MYH14: variants seen among roughly 807,000 people sequenced by gnomAD.
The protein encoded by MYH14 is myosin-14.
A neutral mutation model predicts 255.5 loss-of-function variants in MYH14; 123 were observed. That is an observed-to-expected ratio of 0.48 (90% CI 0.42 to 0.56). MYH14 has a LOEUF of 0.56. MYH14 is among the 20% of genes least tolerant of loss of function. The pLI is 0.00. For synonymous variants in MYH14, 1,095 were observed against 1,161.2 expected, an observed-to-expected ratio of 0.94 and a Z score of 1.16; for missense variants, 2,423 against 2,802.3, an observed-to-expected ratio of 0.86 and a Z score of 3.06.
Position 50,208,443 on chromosome 19 carries a change from CAAACAAACAAACA to C in MYH14, c.-3-1916_-3-1904del, listed in dbSNP as rs1281689757. Reference sequence around the variant, plus strand: ...AAACAAAAACAAACAAACAAACAAACAAACAAACAAACAAAAAAACCCAACAAACCCACCAAAC... The same window carrying C: ...AAACAAAAACAAACAAACAAACAAACAAAAAACCCAACAAACCCACCAAAC... On this transcript the variant is annotated intron_variant, in intron 1 of 42. Transcript: ENST00000642316. 2.8e-4 allele frequency among the ~76,000 whole-genome samples: 41 copies of C among 148,628 alleles called. No homozygotes were observed. The South Asian group carries it at 8.3e-3, about 30-fold the overall frequency.
intron 23 of MYH14, among the ~76,000 whole-genome samples, chr19:50,267,623 A>AAAAAATAATAATAATAAT (rs138463829): frequency 1.7e-4 from 26 of 149,214 alleles, no homozygotes; most frequent in Non-Finnish European, 3.0e-4. Context: ...TCTGTCTCAA[A>AAAAAATAATAATAATAAT]AATAATAATA....
intron 1 of MYH14, chr19:50,205,625 GCT>G (rs909265511): frequency 1.3e-5 from 2 of 152,362 alleles, no homozygotes; most frequent in African/African-American, 4.8e-5. Context: ...TGGGTACGGG[GCT>G]CTCAGACTCC....
intron 9 of MYH14, 83 bp from the exon 10 acceptor site, chr19:50,231,847 C>T (rs1273321476): frequency 6.4e-6 from 10 of 1,571,126 alleles, no homozygotes; most frequent in Non-Finnish European, 8.7e-6. Flanking sequence ...TATGGCATGT[C>T]CTGGGATTGC....
chr19:50,276,876 C>T lies in MYH14; in HGVS notation c.3800C>T (p.Ala1267Val), dbSNP rs760135464. The T allele has an allele frequency of 1.5e-5, 21 of 1,392,290 alleles. No homozygotes were observed. In the East Asian group the frequency reaches 1.8e-4, roughly 12 times the overall value. 86.2% of individuals were successfully genotyped at this position (1,392,290 alleles called of 1,614,324 possible). ...QRHGQALGEL[A>V]EQLEQARRGK... is the part of the protein sequence containing the mutation. ...CACGGCCAGGCCCTGGGGGAGCTGG[C>T]GGAGCAGCTGGAGCAGGCCCGGAGG... Residue 1267 changes from alanine to valine, a missense_variant, in exon 29 of 43, where the codon GCG (alanine) becomes GTG (valine). By Grantham distance (64) the Ala-to-Val change is moderately conservative (BLOSUM62 0). This residue lies in a region of MYH14 where 1,513 missense variants were observed against 1,674.8 expected (regional missense o/e 0.90). Coordinates refer to ENST00000642316, the MANE Select transcript of MYH14 (RefSeq NM_001145809.2). The surrounding 1 kb of genome is among the most constrained non-coding windows in gnomAD (Gnocchi z 4.3).
At position 50,233,111 on chromosome 19, in the gene MYH14, G is replaced by A. The variant is rs73586257; in HGVS notation, c.1114+1041G>A. ...GGTTGGCCCAGGCTGCGCGGCACTG[G>A]TTATTTGGTGTTAAATGCTCAGCTC... On this transcript the variant is annotated intron_variant, in intron 10 of 42. Coordinates refer to ENST00000642316, the MANE Select transcript of MYH14 (RefSeq NM_001145809.2). 8.5e-3 allele frequency among the ~76,000 whole-genome samples: 1,300 copies of A among 152,180 alleles called. 18 individuals are homozygous for A. The highest frequency in any genetic ancestry group is 0.029 in the African/African-American group (1,206 of 41,510).
At chr19:50,307,502 T>A (rs1242992140) in intron 41 of MYH14, among the ~76,000 whole-genome samples, 1 of 152,118 alleles carries the variant, frequency 6.6e-6, no homozygotes, top group Non-Finnish European at 1.5e-5. Context: ...TTAATTCTTA[T>A]CAGAATGGTA....
rs188312665 is a variant in MYH14 at position 50,236,848 on chromosome 19, A to G, written c.1114+4778A>G. Among the ~76,000 whole-genome samples, 428 of 152,304 alleles carry G rather than the reference A, an allele frequency of 2.8e-3. 3 individuals are homozygous for G. The highest frequency in any genetic ancestry group is 9.7e-3 in the African/African-American group (404 of 41,562). ...TCACCTATTTAAACTGTGCAATTCC[A>G]TAGCATTTTGTGTATTCATAGAGTT... On this transcript the variant is annotated intron_variant, in intron 10 of 42. Transcript: ENST00000642316.
At chr19:50,223,937 A>G (rs1345372089) in intron 5 of MYH14, among the ~76,000 whole-genome samples, 1 of 152,120 alleles carries the variant, frequency 6.6e-6, no homozygotes, top group Non-Finnish European at 1.5e-5. Context: ...GTGGGACCCC[A>G]TCGCTACAAA....
chr19:50,279,123 C>T (rs1482631059), intron 30 of MYH14, among the ~76,000 whole-genome samples: 1 of 151,926 alleles, frequency 6.6e-6, no homozygotes, highest in Non-Finnish European at 1.5e-5. Flanking sequence ...AATCCTATAC[C>T]CTTTAGCTAT....
In MYH14 at chr19:50,276,461, G is replaced by A. The variant is rs377332930; in HGVS notation, c.3680+258G>A. ...AACCCAGAACAAGGGGTGCTTTAGC[G>A]GAGTAACACGGGGCACTGTGGGTGA... On this transcript the variant is annotated intron_variant, in intron 28 of 42. Coordinates refer to ENST00000642316, the MANE Select transcript of MYH14 (RefSeq NM_001145809.2). The surrounding 1 kb of genome is among the most constrained non-coding windows in gnomAD (Gnocchi z 4.3). Among the ~76,000 whole-genome samples the A allele has an allele frequency of 6.6e-5, 10 of 152,258 alleles. No individual in the cohort carries two copies. In the East Asian group the frequency reaches 1.5e-3, roughly 24 times the overall value.
At chr19:50,277,770 A>G (rs2123411043) in intron 29 of MYH14, among the ~76,000 whole-genome samples, 1 of 152,054 alleles carries the variant, frequency 6.6e-6, no homozygotes, top group Non-Finnish European at 1.5e-5. Context: ...ACAAAAAATT[A>G]GCCGGGCGTG....
chr19:50,252,786 G>C lies in MYH14; in HGVS notation c.1945+33G>C. ...CCCACTTCCCCCACCCCGGCTCTAG[G>C]GGTCTGTGCGGCCATTCTCCAAATC... On this transcript the variant is annotated intron_variant, in intron 16 of 42. Coordinates refer to ENST00000642316, the MANE Select transcript of MYH14 (RefSeq NM_001145809.2). The surrounding 1 kb of genome is among the most constrained non-coding windows in gnomAD (Gnocchi z 4.2). 6.9e-7 allele frequency: 1 copy of C among 1,452,082 alleles called. No homozygotes were observed. The highest frequency in any genetic ancestry group is 9.5e-7 in the Non-Finnish European group (1 of 1,056,862). The allele number at this position is 1,452,082 out of a possible 1,614,324, so 89.9% of individuals were successfully genotyped here. A position where few individuals can be genotyped will look rare whatever the true frequency, so the allele number is the denominator to read the frequency against.
intron 3 of MYH14, 51 bp downstream of exon 3, chr19:50,217,822 C>G: frequency 6.3e-7 from 1 of 1,592,476 alleles, no homozygotes; most frequent in Non-Finnish European, 8.5e-7. Flanking sequence ...TCAACGGGGG[C>G]CTGACCTGGG....
intron 39 of MYH14, among the ~76,000 whole-genome samples, chr19:50,296,796 TG>T (rs1172137646): frequency 6.6e-6 from 1 of 152,206 alleles, no homozygotes; most frequent in Non-Finnish European, 1.5e-5. Context: ...TGGCCCAAAG[TG>T]GGGCAAGTTG....
Position 50,268,235 on chromosome 19 carries a change from G to T in MYH14, c.2901G>T (p.Thr967=), listed in dbSNP as rs751089712. 6.4e-7 allele frequency: 1 copy of T among 1,564,880 alleles called. No individual in the cohort carries two copies. Among genetic ancestry groups the T allele is most frequent in the Admixed American group, 1.9e-5 (1 of 52,744 alleles). The change falls in exon 24 of 43, where the codon ACG becomes ACT. Residue 967 remains threonine (T), a synonymous_variant. Coordinates refer to ENST00000642316, the MANE Select transcript of MYH14 (RefSeq NM_001145809.2). ...EAELCAEAEE[T]RGRLAARKQE... ...AACTGTGTGCAGAGGCCGAGGAGACGCGGGGGAGGCTGGCAGCCCGCAAGC... is the reference window on the plus strand; with the variant it reads ...AACTGTGTGCAGAGGCCGAGGAGACTCGGGGGAGGCTGGCAGCCCGCAAGC...
rs1201175639 is a variant in MYH14 at position 50,268,222 on chromosome 19, A to T, written c.2888A>T (p.Glu963Val). Residue 963 changes from glutamate to valine, a missense_variant, in exon 24 of 43, where the codon GAG becomes GTG. By Grantham distance (121) the Glu-to-Val change is moderately radical. This residue lies in a region of MYH14 where 1,513 missense variants were observed against 1,674.8 expected (regional missense o/e 0.90). Transcript: ENST00000642316. ...QLRAEAELCA[E>V]AEETRGRLAA... is the part of the protein sequence containing the mutation. ...CGAGCAGAGGCAGAACTGTGTGCAG[A>T]GGCCGAGGAGACGCGGGGGAGGCTG... is the stretch of plus-strand genomic sequence containing the variant. 6.4e-7 allele frequency: 1 copy of T among 1,560,076 alleles called. No homozygotes were observed. The highest frequency in any genetic ancestry group is 8.7e-7 in the Non-Finnish European group (1 of 1,153,004).
chr19:50,265,428 C>T (rs2123367966), intron 22 of MYH14, among the ~76,000 whole-genome samples: 1 of 151,964 alleles, frequency 6.6e-6, no homozygotes, highest in African/African-American at 2.4e-5. Context: ...CGAAGGATTG[C>T]TTAAGCCCAG....
rs1226177874 is a variant in MYH14 at position 50,309,746 on chromosome 19, C to T, written c.6067C>T (p.Pro2023Ser). 6.3e-7 allele frequency: 1 copy of T among 1,593,224 alleles called. No individual in the cohort carries two copies. The highest frequency in any genetic ancestry group is 8.5e-7 in the Non-Finnish European group (1 of 1,170,280). The change falls in exon 43 of 43, where the codon CCA becomes TCA. Residue 2023 changes from proline (P) to serine (S), a missense_variant. Physicochemically the swap from Pro to Ser is moderately conservative, Grantham distance 74. This residue lies in a region of MYH14 where 1,513 missense variants were observed against 1,674.8 expected (regional missense o/e 0.90). Transcript: ENST00000642316. Reference protein sequence around the residue: ...EAEEAQPGSGPSPEPEGSPPA... With the variant: ...EAEEAQPGSGSSPEPEGSPPA... ...AGAGGAAGCACAGCCTGGGTCTGGG[C>T]CATCCCCGGAGCCTGAGGGGTCCCC...
chr19:50,267,079 TG>T, intron 23 of MYH14, 71 bp downstream of exon 23: 1 of 1,402,966 alleles, frequency 7.1e-7, no homozygotes, highest in Non-Finnish European at 9.6e-7. Context: ...TGGAGCCAGG[TG>T]TGAGGGGCGG....
Sources: allele counts gnomAD v4.1 joint callset (sites outside exome capture counted in the v4.1 genomes callset), GRCh38; gene constraint gnomAD v4.1.1; regional missense constraint gnomAD v4.1.1; non-coding constraint Gnocchi (gnomAD v3.1); transcripts MANE v1.5; gene names NCBI Gene and HGNC (gene_info 2026-07-23, HGNC 2026-07-21).